Variants in SNX6 observed in about 807,000 individuals in gnomAD.
SNX6 encodes the protein sorting nexin-6.
Under a neutral mutation model 63.0 loss-of-function variants are expected in SNX6, and 34 were observed. That is an observed-to-expected ratio of 0.54 (90% CI 0.41 to 0.72). The LOEUF (loss-of-function observed/expected upper bound fraction) is 0.72. SNX6 is among the 30% of genes least tolerant of loss of function. The pLI, the probability that SNX6 is intolerant of heterozygous loss-of-function variation, is 0.00. For synonymous variants in SNX6, 170 were observed against 164.2 expected (o/e 1.04, Z -0.27); for missense variants, 398 against 471.4 (o/e 0.84, Z 1.44).
Position 34,608,045 on chromosome 14 carries a change from G to A in SNX6, c.255C>T (p.Asp85=), listed in dbSNP as rs1238699637. 1.3e-6 allele frequency: 2 copies of A among 1,586,306 alleles called. No homozygotes were observed. The highest frequency in any genetic ancestry group is 1.7e-4 in the Middle Eastern group (1 of 5,924). The change falls in exon 4 of 14, where the codon GAC becomes GAT. Residue 85 remains aspartate (D), a synonymous_variant. Transcript: ENST00000362031. ...WLHDSFVENE[D]YAGYIIPPAP... is the part of the protein sequence containing the mutation. ...CAATACTTACGATATAACCTGCATA[G>A]TCTTCATTTTCAACAAAGGAATCAT...
chr14:34,590,784 G>C (rs528975956), intron 8 of SNX6, among the ~76,000 whole-genome samples: 1 of 152,144 alleles, frequency 6.6e-6, no homozygotes, highest in African/African-American at 2.4e-5. Flanking sequence ...AAGCATGTCC[G>C]TACAAAAAGT....
At chr14:34,574,595 G>C (rs79387149) in intron 11 of SNX6, among the ~76,000 whole-genome samples, 1 of 133,808 alleles carries the variant, frequency 7.5e-6, no homozygotes, top group Non-Finnish European at 1.5e-5. Context: ...GGTTACAGTT[G>C]GGTGACAGAG....
chr14:34,607,669 A>G (rs1322330825), intron 4 of SNX6, among the ~76,000 whole-genome samples: 1 of 151,886 alleles, frequency 6.6e-6, no homozygotes, highest in Non-Finnish European at 1.5e-5. Context: ...GCACTTTGGG[A>G]GGCCAAGGTG....
At chr14:34,623,742 T>C (rs1449659205) in intron 2 of SNX6, among the ~76,000 whole-genome samples, 2 of 152,184 alleles carry the variant, frequency 1.3e-5, no homozygotes, top group East Asian at 3.9e-4. Flanking sequence ...AAAGTGATGC[T>C]ATTAATGAAG....
At chr14:34,602,006 A>G (rs577095514) in intron 6 of SNX6, among the ~76,000 whole-genome samples, 20 of 151,808 alleles carry the variant, frequency 1.3e-4, no homozygotes, top group Non-Finnish European at 2.8e-4. Flanking sequence ...TGAAAAATAC[A>G]AACAGGCCAG....
chr14:34,594,617 C>A (rs1594723264), intron 7 of SNX6, among the ~76,000 whole-genome samples: 1 of 152,098 alleles, frequency 6.6e-6, no homozygotes, highest in Non-Finnish European at 1.5e-5. Flanking sequence ...CTGCCTCAGC[C>A]TCCCAAAGTG....
intron 6 of SNX6, among the ~76,000 whole-genome samples, chr14:34,600,755 C>T (rs541200855): frequency 1.3e-5 from 2 of 152,210 alleles, no homozygotes; most frequent in South Asian, 2.1e-4. Flanking sequence ...GCAATCACCT[C>T]GGCCAGGCAT....
chr14:34,586,386 G>A, intron 8 of SNX6, 81 bp from the exon 9 acceptor site: 3 of 813,514 alleles, frequency 3.7e-6, no homozygotes, highest in Non-Finnish European at 6.0e-6. Context: ...CTCAAACAAT[G>A]TGTAATATGA....
intron 6 of SNX6, among the ~76,000 whole-genome samples, chr14:34,598,719 T>C (rs963744211): frequency 6.6e-6 from 1 of 152,078 alleles, no homozygotes; most frequent in Non-Finnish European, 1.5e-5. Flanking sequence ...TAATCATAAT[T>C]AAGAAGAGGT....
At chr14:34,604,218 G>A (rs1277532220) in intron 5 of SNX6, 3 of 1,288,818 alleles carry the variant, frequency 2.3e-6, no homozygotes, top group Non-Finnish European at 3.0e-6. Context: ...GAAGGATGCA[G>A]AGGATGGAGG....
intron 13 of SNX6, among the ~76,000 whole-genome samples, chr14:34,567,097 A>G (rs1881216855): frequency 1.3e-5 from 2 of 151,854 alleles, no homozygotes; most frequent in African/African-American, 4.8e-5. Context: ...GGTGGCACGC[A>G]CCTGTAGTCC....
chr14:34,606,196 CTT>C (rs34435703), intron 4 of SNX6, among the ~76,000 whole-genome samples: 28 of 57,574 alleles, frequency 4.9e-4, no homozygotes, highest in Admixed American at 4.1e-4. Flanking sequence ...GTTATCTAAT[CTT>C]TTTTTTTTTT....
At chr14:34,616,231 G>C (rs549867713) in intron 2 of SNX6, among the ~76,000 whole-genome samples, 91 of 152,282 alleles carry the variant, frequency 6.0e-4, no homozygotes, top group Non-Finnish European at 1.2e-3. Context: ...TGGGATTACA[G>C]GTGTGAGCCA....
intron 2 of SNX6, chr14:34,629,448 T>C (rs1032358849): frequency 1.9e-5 from 9 of 462,062 alleles, no homozygotes; most frequent in African/African-American, 1.6e-4. Flanking sequence ...AATGGTAATG[T>C]AGACTACACC....
At chr14:34,581,682 A>C in intron 9 of SNX6, 82 bp from the exon 10 acceptor site, 1 of 801,726 alleles carries the variant, frequency 1.2e-6, no homozygotes, top group Non-Finnish European at 2.1e-6. Context: ...CTCCCAAACC[A>C]TATTAATAAC....
intron 2 of SNX6, among the ~76,000 whole-genome samples, chr14:34,610,081 T>C (rs547056034): frequency 1.4e-4 from 22 of 151,916 alleles, no homozygotes; most frequent in Non-Finnish European, 3.1e-4. Flanking sequence ...TGATGGCTCA[T>C]GTCTATAATC....
intron 10 of SNX6, among the ~76,000 whole-genome samples, chr14:34,580,847 G>A (rs780817468): frequency 1.3e-5 from 2 of 151,638 alleles, no homozygotes; most frequent in Non-Finnish European, 2.9e-5. Context: ...TAGAGGCAGC[G>A]TCTTGCTATG....
intron 11 of SNX6, among the ~76,000 whole-genome samples, chr14:34,574,741 G>A (rs1252074071): frequency 1.3e-5 from 2 of 150,274 alleles, no homozygotes; most frequent in Non-Finnish European, 3.0e-5. Context: ...TTTTTAAGAC[G>A]GAGTTGGGGT....
chr14:34,600,932 C>T (rs1182621775), intron 6 of SNX6, among the ~76,000 whole-genome samples: 1 of 151,570 alleles, frequency 6.6e-6, no homozygotes, highest in Non-Finnish European at 1.5e-5. Context: ...GCAGAGGAGT[C>T]GCTTGAACCT....
Sources: gnomAD v4.1 joint callset for allele counts (sites outside exome capture counted in the v4.1 genomes callset) on GRCh38, gnomAD v4.1.1 for gene constraint, MANE v1.5 for transcripts, NCBI Gene and HGNC (gene_info 2026-07-23, HGNC 2026-07-21) for gene names.